SLCO1C1: variants seen among roughly 807,000 people sequenced by gnomAD.
SLCO1C1 encodes OAT-RP-5.
SLCO1C1 carries 70 observed loss-of-function variants against 76.4 expected under a neutral mutation model. The observed-to-expected ratio is 0.92, with a 90% CI of 0.76 to 1.12. The LOEUF (loss-of-function observed/expected upper bound fraction) is 1.12, where lower values mean the gene tolerates loss of function less well. Among genes scored for constraint, SLCO1C1 ranks in the 50% most tolerant of loss-of-function variants. SLCO1C1 has a pLI of 0.00. For missense variants in SLCO1C1, 912 were observed against 823.8 expected (o/e 1.11, Z -1.31); for synonymous variants, 306 against 286.1 (o/e 1.07, Z -0.70).
Position 20,740,783 on chromosome 12 carries a change from TTATTTATATATATATATA to T in SLCO1C1, c.1733+419_1733+436del, listed in dbSNP as rs1321880127. Reference sequence around the variant, plus strand: ...TAATACAACAATGTTAGAATTTATTTTATTTATATATATATATATATATATATATATATATGGCTTTAT... The same window carrying T: ...TAATACAACAATGTTAGAATTTATTTTATATATATATATATATGGCTTTAT... On this transcript the variant is annotated intron_variant, in intron 12 of 14. Transcript: ENST00000266509. Among the ~76,000 whole-genome samples, 120 of 53,996 alleles carry T rather than the reference TTATTTATATATATATATA, an allele frequency of 2.2e-3. 4 individuals are homozygous for T. Among genetic ancestry groups the T allele is most frequent in the Admixed American group, 4.9e-3 (21 of 4,256 alleles). 35.4% of individuals were successfully genotyped at this position (53,996 alleles called of 152,430 possible). A position where few individuals can be genotyped will look rare whatever the true frequency, so the allele number is the denominator to read the frequency against.
At chr12:20,714,807 C>T (rs564673142) in intron 5 of SLCO1C1, among the ~76,000 whole-genome samples, 1 of 152,138 alleles carries the variant, frequency 6.6e-6, no homozygotes, top group South Asian at 2.1e-4. Context: ...TTCTGTTTTG[C>T]CCCAGATAGA....
At chr12:20,721,208 T>G (rs539549335) in intron 7 of SLCO1C1, among the ~76,000 whole-genome samples, 22 of 152,214 alleles carry the variant, frequency 1.4e-4, no homozygotes, top group Non-Finnish European at 3.1e-4. Context: ...TTGAAAGAAG[T>G]TTTACTGTGG....
chr12:20,716,954 G>A (rs1321970902), intron 6 of SLCO1C1, among the ~76,000 whole-genome samples, 178 bp from the exon 7 acceptor site: 2 of 152,032 alleles, frequency 1.3e-5, no homozygotes, highest in Non-Finnish European at 2.9e-5. Context: ...TTCTCCCAAA[G>A]CAGTGAAGGA....
chr12:20,734,998 A>G (rs1948473540), intron 10 of SLCO1C1, among the ~76,000 whole-genome samples: 1 of 152,228 alleles, frequency 6.6e-6, no homozygotes, highest in Non-Finnish European at 1.5e-5. Context: ...ACATTCTGGC[A>G]TATTTGTTAA....
intron 7 of SLCO1C1, 108 bp from the exon 8 acceptor site, chr12:20,721,696 G>C: frequency 7.7e-7 from 1 of 1,298,674 alleles, no homozygotes; most frequent in Admixed American, 2.6e-5. Context: ...TGAATTATTA[G>C]GTATTTTATG....
In SLCO1C1 at chr12:20,723,253, C is replaced by A; in HGVS notation, c.1185C>A (p.Ile395=). 1 of 1,613,378 alleles carries A rather than the reference C, an allele frequency of 6.2e-7. No homozygotes were observed. The highest frequency in any genetic ancestry group is 8.5e-7 in the Non-Finnish European group (1 of 1,179,744). The change falls in exon 9 of 15, where the codon ATC becomes ATA. Residue 395 remains isoleucine (I), a splice_region_variant and synonymous_variant. Transcript: ENST00000266509. ...CATCCTCCAGGGCCAACTTTGTGAT[C>A]GGTATGCTCATCTGCCTTTCATGCT... ...GQSSSRANFV[I]GLINIPAVAL...
At chr12:20,709,534 T>C (rs140821539) in intron 4 of SLCO1C1, among the ~76,000 whole-genome samples, 73 of 152,316 alleles carry the variant, frequency 4.8e-4, no homozygotes, top group African/African-American at 1.7e-3. Flanking sequence ...TTATTAACAA[T>C]ATAAAATTAT....
Position 20,701,177 on chromosome 12 carries a change from G to T in SLCO1C1, c.130-141G>T, listed in dbSNP as rs113934731. ...CTGATGGAAACCTCGAACAGTGTTTGAATTAAAGTTTCAGTGATAATAAAG... is the reference window on the plus strand; with the variant it reads ...CTGATGGAAACCTCGAACAGTGTTTTAATTAAAGTTTCAGTGATAATAAAG... On this transcript the variant is annotated intron_variant, in intron 2 of 14. Transcript: ENST00000266509. 3.6e-3 allele frequency: 2,984 copies of T among 818,840 alleles called. 6 individuals are homozygous for T. Among genetic ancestry groups the T allele is most frequent in the Non-Finnish European group, 4.2e-3 (2,449 of 589,750 alleles). The allele number at this position is 818,840 out of a possible 1,614,324, so 50.7% of individuals were successfully genotyped here. A position where few individuals can be genotyped will look rare whatever the true frequency, so the allele number is the denominator to read the frequency against.
intron 12 of SLCO1C1, among the ~76,000 whole-genome samples, chr12:20,742,054 G>A (rs1014455150): frequency 2.0e-5 from 3 of 152,146 alleles, no homozygotes; most frequent in African/African-American, 7.2e-5. Flanking sequence ...CCACAAACCT[G>A]CTATTCTCAA....
intron 13 of SLCO1C1, among the ~76,000 whole-genome samples, chr12:20,744,485 A>G (rs904731758): frequency 3.9e-5 from 6 of 152,130 alleles, no homozygotes; most frequent in African/African-American, 1.4e-4. Flanking sequence ...GAAGAAAAAA[A>G]CAAGCAACAA....
chr12:20,717,096 C>T, intron 6 of SLCO1C1, 36 bp from the exon 7 acceptor site: 1 of 1,497,390 alleles, frequency 6.7e-7, no homozygotes, highest in Non-Finnish European at 9.2e-7. Context: ...AAAGAAATGA[C>T]AGCTTTTTTT....
At chr12:20,713,749 C>T (rs1050781025) in intron 5 of SLCO1C1, among the ~76,000 whole-genome samples, 1 of 152,212 alleles carries the variant, frequency 6.6e-6, no homozygotes, top group Non-Finnish European at 1.5e-5. Context: ...AATACAGTAG[C>T]CCCTAGCTGC....
chr12:20,748,239 T>A (rs1335803884), intron 13 of SLCO1C1, among the ~76,000 whole-genome samples: 1 of 152,174 alleles, frequency 6.6e-6, no homozygotes, highest in Admixed American at 6.5e-5. Context: ...TTCTCTCCCA[T>A]TTGTTGCGAA....
intron 5 of SLCO1C1, among the ~76,000 whole-genome samples, chr12:20,714,160 C>T (rs554437385): frequency 6.6e-6 from 1 of 152,258 alleles, no homozygotes; most frequent in African/African-American, 2.4e-5. Context: ...AGGTGTTCAC[C>T]TTAGTTCTTC....
intron 14 of SLCO1C1, among the ~76,000 whole-genome samples, chr12:20,751,773 G>A (rs1949319905): frequency 6.6e-6 from 1 of 152,038 alleles, no homozygotes; most frequent in Admixed American, 6.6e-5. Context: ...ACAAAGCATA[G>A]AACTATAGGT....
chr12:20,749,629 G>A (rs942600999), intron 13 of SLCO1C1, among the ~76,000 whole-genome samples: 2 of 152,134 alleles, frequency 1.3e-5, no homozygotes, highest in Non-Finnish European at 2.9e-5. Context: ...AGATACTTTC[G>A]TTAATATTTG....
intron 13 of SLCO1C1, among the ~76,000 whole-genome samples, chr12:20,749,712 C>T (rs1949208364): frequency 6.6e-6 from 1 of 152,160 alleles, no homozygotes. Context: ...ACTAGGGTTT[C>T]TGGCATGAAT....
At chr12:20,743,284 T>C (rs1948902448) in intron 12 of SLCO1C1, 21 bp from the exon 13 acceptor site, 5 of 1,608,458 alleles carry the variant, frequency 3.1e-6, no homozygotes, top group Non-Finnish European at 4.3e-6. Context: ...TTTCTTGTAA[T>C]GGTGCTTTTG....
intron 9 of SLCO1C1, among the ~76,000 whole-genome samples, 181 bp downstream of exon 9, chr12:20,723,435 A>C (rs147387913): frequency 1.3e-4 from 20 of 152,270 alleles, no homozygotes; most frequent in Non-Finnish European, 2.6e-4. Context: ...AGTAACCCAG[A>C]GAGCAAGCAG....
Sources: gnomAD v4.1 joint callset for allele counts (sites outside exome capture counted in the v4.1 genomes callset) on GRCh38, gnomAD v4.1.1 for gene constraint, MANE v1.5 for transcripts, NCBI Gene and HGNC (gene_info 2026-07-23, HGNC 2026-07-21) for gene names.